Variants in RPS8 observed in about 807,000 individuals in gnomAD.
RPS8 encodes ribosomal protein S8.
For synonymous variants in RPS8, 100 were observed against 100.7 expected, an observed-to-expected ratio of 0.99 and a Z score of 0.04; for missense variants, 141 against 269.7, an observed-to-expected ratio of 0.52 and a Z score of 3.34.
In RPS8 at chr1:44,778,691, T is replaced by C. The variant is rs935198175; in HGVS notation, c.*6T>C. ...AGGCCCGCAAAGGCAAATAAATCCT[T>C]GTTTTGTCTTCACCCATGTAATAAA... On this transcript the variant is annotated 3_prime_UTR_variant, in exon 6 of 6. Coordinates refer to ENST00000396651, the MANE Select transcript of RPS8 (RefSeq NM_001012.2). 1.3e-6 allele frequency: 2 copies of C among 1,577,560 alleles called. No homozygotes were observed. The highest frequency in any genetic ancestry group is 1.7e-6 in the Non-Finnish European group (2 of 1,151,494).
chr1:44,776,418 A>G, intron 2 of RPS8: 5 of 746,110 alleles, frequency 6.7e-6, no homozygotes, highest in Admixed American at 1.8e-5. Flanking sequence ...CGTCATAGTC[A>G]GAAGCCTAGT....
intron 2 of RPS8, chr1:44,776,419 G>C: frequency 1.3e-6 from 1 of 746,876 alleles, no homozygotes; most frequent in Non-Finnish European, 2.4e-6. Flanking sequence ...GTCATAGTCA[G>C]AAGCCTAGTC....
intron 3 of RPS8, 67 bp downstream of exon 3, chr1:44,776,841 G>A: frequency 7.9e-7 from 1 of 1,263,186 alleles, no homozygotes; most frequent in Non-Finnish European, 1.1e-6. Context: ...CACCAAGTGG[G>A]CCTGGCGCGG....
intron 5 of RPS8, 197 bp from the exon 6 acceptor site, chr1:44,778,379 T>TG (rs3838955): frequency 0.2 from 164,528 of 802,744 alleles, 19,305 homozygotes; most frequent in African/African-American, 0.44. Flanking sequence ...CTGCCCAGGC[T>TG]GAGGGGGCTG....
intron 3 of RPS8, 136 bp from the exon 4 acceptor site, chr1:44,777,470 AGACGAACT>A: frequency 1.5e-6 from 1 of 680,300 alleles, no homozygotes; most frequent in Non-Finnish European, 2.6e-6. Flanking sequence ...GGGTTGTGGA[AGACGAACT>A]GATGCCCCAT....
chr1:44,777,886 G>T, intron 4 of RPS8, 97 bp downstream of exon 4: 1 of 1,577,534 alleles, frequency 6.3e-7, no homozygotes, highest in Non-Finnish European at 8.7e-7. Context: ...TGAAGGGAGA[G>T]AGATGAGAGC....
chr1:44,777,440 A>G (rs879501036), intron 3 of RPS8, 174 bp from the exon 4 acceptor site: 5 of 616,628 alleles, frequency 8.1e-6, no homozygotes, highest in Non-Finnish European at 1.5e-5. Context: ...TGCCAAACAT[A>G]ACTAGAAACG....
chr1:44,778,607 C>T lies in RPS8; in HGVS notation c.549C>T (p.Gly183=). The change falls in exon 6 of 6, where the codon GGC becomes GGT. Residue 183 remains glycine (G), a synonymous_variant. Coordinates refer to ENST00000396651, the MANE Select transcript of RPS8 (RefSeq NM_001012.2). The part of the protein sequence containing the change: ...ACIASRPGQC[G]RADGYVLEGK... ...TCGCTTCAAGGCCGGGACAGTGTGG[C>T]CGAGCAGATGGCTATGTGCTAGAGG... The T allele has an allele frequency of 6.2e-7, 1 of 1,613,844 alleles. No homozygotes were observed. Among genetic ancestry groups the T allele is most frequent in the Non-Finnish European group, 8.5e-7 (1 of 1,179,900 alleles).
In RPS8 at chr1:44,776,747, G is replaced by T. The variant is rs749918432; in HGVS notation, c.184G>T (p.Val62Leu). Residue 62 changes from valine to leucine, a missense_variant, in exon 3 of 6, where the codon GTG (valine) becomes TTG (leucine). Transcript: ENST00000396651. ...GAAATACCGTGCCCTGAGGTTGGAC[G>T]TGGGGAATTTCTCCTGGGGCTCAGA... ...NKKYRALRLD[V>L]GNFSWGSECC... 1 of 1,611,152 alleles carries T rather than the reference G, an allele frequency of 6.2e-7. No homozygotes were observed. Among genetic ancestry groups the T allele is most frequent in the Non-Finnish European group, 8.5e-7 (1 of 1,179,090 alleles).
chr1:44,775,669 A>T (rs962743972), intron 1 of RPS8, 69 bp downstream of exon 1: 6 of 1,599,154 alleles, frequency 3.8e-6, no homozygotes, highest in Non-Finnish European at 4.3e-6. Context: ...CCTGCTTCAC[A>T]GCCTACTGAG....
chr1:44,778,281 C>A (rs1650930972), intron 5 of RPS8, 152 bp downstream of exon 5: 2 of 1,001,688 alleles, frequency 2.0e-6, no homozygotes, highest in African/African-American at 3.2e-5. Flanking sequence ...CGTTTGGTCA[C>A]CCTATTCGTA....
At position 44,776,783 on chromosome 1, in the gene RPS8, G is replaced by C; in HGVS notation, c.211+9G>C. On this transcript the variant is annotated intron_variant, in intron 3 of 5. Coordinates refer to ENST00000396651, the MANE Select transcript of RPS8 (RefSeq NM_001012.2). ...CTCCTGGGGCTCAGAGTGTGAGTGA[G>C]GCCCTTTGGGAGTGGGTGGGAAAAC... The C allele has an allele frequency of 6.3e-7, 1 of 1,585,614 alleles. No homozygotes were observed. Among genetic ancestry groups the C allele is most frequent in the Non-Finnish European group, 8.6e-7 (1 of 1,165,444 alleles).
At position 44,776,749 on chromosome 1, in the gene RPS8, G is replaced by A. The variant is rs757839585; in HGVS notation, c.186G>A (p.Val62=). The change falls in exon 3 of 6, where the codon GTG becomes GTA. Residue 62 remains valine, a synonymous_variant. Coordinates refer to ENST00000396651, the MANE Select transcript of RPS8 (RefSeq NM_001012.2). Reference sequence around the variant, plus strand: ...AATACCGTGCCCTGAGGTTGGACGTGGGGAATTTCTCCTGGGGCTCAGAGT... The same window carrying A: ...AATACCGTGCCCTGAGGTTGGACGTAGGGAATTTCTCCTGGGGCTCAGAGT... ...NKKYRALRLD[V]GNFSWGSECC... is the part of the protein sequence containing the mutation. 1.9e-6 allele frequency: 3 copies of A among 1,610,800 alleles called. No homozygotes were observed. The highest frequency in any genetic ancestry group is 2.5e-6 in the Non-Finnish European group (3 of 1,178,930).
rs990118581 is a variant in RPS8 at position 44,778,331 on chromosome 1, T to G, written c.517+202T>G. On this transcript the variant is annotated intron_variant, in intron 5 of 5. Transcript: ENST00000396651. ...GAAGCATTGGGTAGAAGAGTCTGCA[T>G]AGGCCCGTGCTTGGAGTCTTTGTAT... 4 of 830,790 alleles carry G rather than the reference T, an allele frequency of 4.8e-6. No individual in the cohort carries two copies. In the African/African-American group the frequency reaches 6.7e-5, roughly 14 times the overall value. The allele number at this position is 830,790 out of a possible 1,614,324, so 51.5% of individuals were successfully genotyped here.
In RPS8 at chr1:44,777,487, A is replaced by G. The variant is rs535400056; in HGVS notation, c.212-127A>G. ...GTTGTGGAAGACGAACTGATGCCCC[A>G]TGGCTTGTAAAGGCTGAGAGTTCCC... On this transcript the variant is annotated intron_variant, in intron 3 of 5. Coordinates refer to ENST00000396651, the MANE Select transcript of RPS8 (RefSeq NM_001012.2). 8.2e-5 allele frequency: 62 copies of G among 759,660 alleles called. 1 individual carries two copies. Among genetic ancestry groups the G allele is most frequent in the South Asian group, 7.5e-4 (43 of 57,504 alleles). 47.1% of individuals were successfully genotyped at this position (759,660 alleles called of 1,614,324 possible). A position where few individuals can be genotyped will look rare whatever the true frequency, so the allele number is the denominator to read the frequency against.
intron 1 of RPS8, 36 bp downstream of exon 1, chr1:44,775,636 G>C (rs780424225): frequency 6.2e-7 from 1 of 1,613,836 alleles, no homozygotes; most frequent in Middle Eastern, 1.6e-4. Context: ...GGTGAAGGGA[G>C]GTTGAGCTCA....
Position 44,776,146 on chromosome 1 carries a change from T to A in RPS8, c.111+6T>A. The A allele has an allele frequency of 6.3e-7, 1 of 1,590,300 alleles. No homozygotes were observed. Among genetic ancestry groups the A allele is most frequent in the Non-Finnish European group, 8.5e-7 (1 of 1,169,766 alleles). ...GCCCAGCTGCCAACACCAAGGTGGG[T>A]GCGAGCGTGGGCCTGTCCGCCTGGG... On this transcript the variant is annotated splice_donor_region_variant and intron_variant, in intron 2 of 5. Coordinates refer to ENST00000396651, the MANE Select transcript of RPS8 (RefSeq NM_001012.2).
intron 5 of RPS8, chr1:44,778,347 G>A: frequency 2.4e-6 from 2 of 818,874 alleles, no homozygotes; most frequent in Non-Finnish European, 4.4e-6. Context: ...CGTGCTTGGA[G>A]TCTTTGTATT....
rs1379882904 is a variant in RPS8, at chr1:44,777,404, G to A, written c.212-210G>A. ...TCTTTCTGAACTCTGCAGCCTGAGAGATTGGGGCTGGTAAAGACTGCGGGT... is the reference window on the plus strand; with the variant it reads ...TCTTTCTGAACTCTGCAGCCTGAGAAATTGGGGCTGGTAAAGACTGCGGGT... On this transcript the variant is annotated intron_variant, in intron 3 of 5. Transcript: ENST00000396651. The A allele has an allele frequency of 8.8e-6, 5 of 571,050 alleles. No individual in the cohort carries two copies. The East Asian group carries it at 1.5e-4, about 17-fold the overall frequency. 35.4% of individuals were successfully genotyped at this position (571,050 alleles called of 1,614,324 possible).
Sources: gnomAD v4.1 joint callset for allele counts on GRCh38, gnomAD v4.1.1 for gene constraint, MANE v1.5 for transcripts, NCBI Gene and HGNC (gene_info 2026-07-23, HGNC 2026-07-21) for gene names.